The following BRD4 variants were observed in gnomAD, a reference collection of about 807,000 sequenced individuals.
BRD4 encodes the protein bromodomain containing 4, also known as bromodomain-containing protein 4.
Under a neutral mutation model 142.1 loss-of-function variants are expected in BRD4, and 16 were observed. That is an observed-to-expected ratio of 0.11 (90% CI 0.08 to 0.17). BRD4 has a LOEUF of 0.17. Ranked by LOEUF, BRD4 falls within the 10% of genes least tolerant of loss-of-function variation. The probability of loss-of-function intolerance (pLI) is 1.00; values close to 1 mark genes in which losing one functional copy is unlikely to be tolerated. For missense variants in BRD4, 1,424 were observed against 1,810.9 expected (o/e 0.79, Z 3.88); for synonymous variants, 833 against 707.5 (o/e 1.18, Z -2.82).
chr19:15,280,123 TA>T, intron 1 of BRD4: 1 of 454,930 alleles, frequency 2.2e-6, no homozygotes, highest in Non-Finnish European at 2.9e-6. Flanking sequence ...ACAACAACCC[TA>T]AAAAGCAGGC....
At chr19:15,293,351 C>T (rs1432268769) in intron 1 of BRD4, among the ~76,000 whole-genome samples, 1 of 152,160 alleles carries the variant, frequency 6.6e-6, no homozygotes, top group Non-Finnish European at 1.5e-5. Context: ...AGGCCACTGG[C>T]AGGCTTATCT....
intron 1 of BRD4, among the ~76,000 whole-genome samples, chr19:15,306,018 C>A (rs918214755): frequency 9.2e-5 from 14 of 152,208 alleles, no homozygotes; most frequent in Admixed American, 6.5e-4. Context: ...CCTCTTTCAG[C>A]CTCCAAAGAA....
At chr19:15,321,250 A>G (rs909412744) in intron 1 of BRD4, among the ~76,000 whole-genome samples, 1 of 151,694 alleles carries the variant, frequency 6.6e-6, no homozygotes, top group African/African-American at 2.4e-5. Context: ...GAAAGGAAAG[A>G]AAGGAAAGAA....
intron 1 of BRD4, among the ~76,000 whole-genome samples, chr19:15,329,005 C>G (rs1316814145): frequency 6.6e-6 from 1 of 151,938 alleles, no homozygotes; most frequent in African/African-American, 2.4e-5. Flanking sequence ...ACTTTTGACC[C>G]CAGGTGATCT....
intron 11 of BRD4, among the ~76,000 whole-genome samples, chr19:15,251,099 G>C (rs988704261): frequency 1.3e-5 from 2 of 152,192 alleles, no homozygotes; most frequent in Non-Finnish European, 1.5e-5. Flanking sequence ...TGCTGGGGCA[G>C]AGGGTGGGGA....
At chr19:15,247,430 G>C (rs1337638591) in intron 11 of BRD4, 1 of 232,692 alleles carries the variant, frequency 4.3e-6, no homozygotes, top group African/African-American at 2.2e-5. Flanking sequence ...GAGCTTTCAA[G>C]TTCAACAAGC....
intron 2 of BRD4, among the ~76,000 whole-genome samples, chr19:15,270,150 A>G (rs989569892): frequency 6.6e-6 from 1 of 152,256 alleles, no homozygotes; most frequent in Non-Finnish European, 1.5e-5. Flanking sequence ...CGGTAGAGGC[A>G]CAGGCTGCAG....
intron 1 of BRD4, among the ~76,000 whole-genome samples, chr19:15,323,178 T>TA (rs1017018376): frequency 0.036 from 2,597 of 73,026 alleles, 371 homozygotes; most frequent in African/African-American, 0.081. Context: ...TCCATCTCTT[T>TA]AAAAAAAAAA....
intron 1 of BRD4, among the ~76,000 whole-genome samples, chr19:15,314,184 G>C (rs2047997455): frequency 6.6e-6 from 1 of 152,176 alleles, no homozygotes; most frequent in African/African-American, 2.4e-5. Context: ...GCCAAAATGA[G>C]CCAGTCCTGC....
At chr19:15,325,837 A>G (rs1599533683) in intron 1 of BRD4, among the ~76,000 whole-genome samples, 1 of 151,822 alleles carries the variant, frequency 6.6e-6, no homozygotes, top group East Asian at 1.9e-4. Context: ...CGTCTCTACT[A>G]GAAATACAAA....
intron 1 of BRD4, among the ~76,000 whole-genome samples, chr19:15,325,492 G>A (rs1027923563): frequency 1.5e-4 from 23 of 152,178 alleles, no homozygotes; most frequent in African/African-American, 4.8e-4. Flanking sequence ...CAAAGGGCAA[G>A]AGCCTAGAGA....
Position 15,244,343 on chromosome 19 carries a change from G to A in BRD4, c.2469C>T (p.Phe823=), listed in dbSNP as rs2047265441. 3 of 1,602,322 alleles carry A rather than the reference G, an allele frequency of 1.9e-6. No individual in the cohort carries two copies. The highest frequency in any genetic ancestry group is 1.1e-5 in the South Asian group (1 of 88,854). The change falls in exon 13 of 20, where the codon TTC becomes TTT. Residue 823 remains phenylalanine, a synonymous_variant. Transcript: ENST00000679869. ...GCGGCAGGTGCAGGATGGGCTGGGTGAAGTGGCCGATGGGGTCAAAGACGC... is the reference window on the plus strand; with the variant it reads ...GCGGCAGGTGCAGGATGGGCTGGGTAAAGTGGCCGATGGGGTCAAAGACGC... ...PGSVFDPIGH[F]TQPILHLPQP...
chr19:15,243,466 T>C lies in BRD4; in HGVS notation c.2603A>G (p.Gln868Arg). The change falls in exon 14 of 20, where the codon CAG becomes CGG. Residue 868 changes from glutamine (Q) to arginine (R), a missense_variant. By Grantham distance (43) the Gln-to-Arg change is conservative (BLOSUM62 1). Transcript: ENST00000679869. ...TCGGTTGCTGGGCCGTGATGGCTGC[T>C]GGGGTAGTGCGTTGTGCAAAGCTGG... ...SPPALHNALP[Q>R]QPSRPSNRAA... 2 of 1,576,640 alleles carry C rather than the reference T, an allele frequency of 1.3e-6. No homozygotes were observed. Among genetic ancestry groups the C allele is most frequent in the Non-Finnish European group, 8.6e-7 (1 of 1,163,870 alleles).
At chr19:15,314,494 T>C (rs1049093532) in intron 1 of BRD4, among the ~76,000 whole-genome samples, 2 of 152,244 alleles carry the variant, frequency 1.3e-5, no homozygotes, top group Admixed American at 6.5e-5. Flanking sequence ...CTGGGACTCT[T>C]ATTTCCGACG....
At chr19:15,264,097 T>C (rs746399960) in intron 6 of BRD4, 3 of 340,552 alleles carry the variant, frequency 8.8e-6, no homozygotes, top group Non-Finnish European at 1.6e-5. Flanking sequence ...CCATGGAGCA[T>C]CTACTGTGTG....
chr19:15,307,702 T>C (rs1010003568), intron 1 of BRD4, among the ~76,000 whole-genome samples: 5 of 152,150 alleles, frequency 3.3e-5, no homozygotes, highest in African/African-American at 1.2e-4. Flanking sequence ...GAGGATGTCC[T>C]GAGCCCAGGA....
At chr19:15,251,533 C>T (rs1230054373) in intron 11 of BRD4, among the ~76,000 whole-genome samples, 5 of 149,290 alleles carry the variant, frequency 3.3e-5, no homozygotes, top group African/African-American at 9.8e-5. Context: ...GACCCACTCC[C>T]GTTAAGGCAG....
intron 11 of BRD4, chr19:15,253,865 C>A: frequency 8.2e-7 from 1 of 1,220,182 alleles, no homozygotes; most frequent in East Asian, 2.5e-5. Flanking sequence ...CCCCGCCCAC[C>A]ATCCAGGGCT....
At position 15,260,798 on chromosome 19, in the gene BRD4, CAA is replaced by C. The variant is rs34986127; in HGVS notation, c.1341+2620_1341+2621del. Among the ~76,000 whole-genome samples, 182 of 77,778 alleles carry C rather than the reference CAA, an allele frequency of 2.3e-3. 1 individual carries two copies. The highest frequency in any genetic ancestry group is 0.012 in the Middle Eastern group (2 of 166). The allele number at this position is 77,778 out of a possible 152,430, so 51.0% of individuals were successfully genotyped here. Reference sequence around the variant, plus strand: ...CTCCCCTCTCAGAAGGAGAAAAATGCAAAAAAAAAAAAAAAAACCACTTAAAA... The same window carrying C: ...CTCCCCTCTCAGAAGGAGAAAAATGCAAAAAAAAAAAAAAACCACTTAAAA... On this transcript the variant is annotated intron_variant, in intron 7 of 19. Transcript: ENST00000679869.
Sources: allele counts gnomAD v4.1 joint callset (sites outside exome capture counted in the v4.1 genomes callset), GRCh38; gene constraint gnomAD v4.1.1; transcripts MANE v1.5; gene names NCBI Gene and HGNC (gene_info 2026-07-23, HGNC 2026-07-21).